MPP7: variants seen among roughly 807,000 people sequenced by gnomAD.
The protein encoded by MPP7 is MAGUK p55 subfamily member 7.
A neutral mutation model predicts 76.5 loss-of-function variants in MPP7; 60 were observed. The ratio of observed to expected loss-of-function variants is 0.78; its 90% confidence interval spans 0.64 to 0.97. The LOEUF (loss-of-function observed/expected upper bound fraction) is 0.97, where lower values mean the gene tolerates loss of function less well. MPP7 is among the 50% of genes least tolerant of loss of function. The pLI is 0.00. For synonymous variants in MPP7, 237 were observed against 244.5 expected (o/e 0.97, Z 0.29); for missense variants, 641 against 694.0 (o/e 0.92, Z 0.86).
At chr10:28,325,217 G>A (rs773919754) in intron 2 of MPP7, among the ~76,000 whole-genome samples, 20 of 152,126 alleles carry the variant, frequency 1.3e-4, no homozygotes, top group Non-Finnish European at 2.4e-4. Flanking sequence ...CCACTATACA[G>A]TATGTGGCTT....
chr10:28,228,855 T>C (rs1336519191), intron 2 of MPP7, among the ~76,000 whole-genome samples: 3 of 152,000 alleles, frequency 2.0e-5, no homozygotes, highest in Non-Finnish European at 4.4e-5. Flanking sequence ...AGCCCCAGCA[T>C]GTAAAGGAGA....
chr10:28,068,428 T>C (rs1852080434), intron 13 of MPP7, among the ~76,000 whole-genome samples: 1 of 152,040 alleles, frequency 6.6e-6, no homozygotes, highest in South Asian at 2.1e-4. Context: ...TTTAAAACAG[T>C]ACTAAAACTG....
At chr10:28,055,047 C>G (rs555737102) in intron 16 of MPP7, among the ~76,000 whole-genome samples, 15 of 152,256 alleles carry the variant, frequency 9.9e-5, no homozygotes, top group South Asian at 4.2e-4. Flanking sequence ...ATTTTTAAAG[C>G]CAGGAAGTAT....
intron 3 of MPP7, among the ~76,000 whole-genome samples, chr10:28,162,888 T>C (rs1836310658): frequency 6.6e-6 from 1 of 152,036 alleles, no homozygotes; most frequent in South Asian, 2.1e-4. Context: ...TCTCTCTCTC[T>C]CATATCTCTG....
intron 13 of MPP7, among the ~76,000 whole-genome samples, chr10:28,065,303 C>T (rs1332498829): frequency 6.6e-6 from 1 of 152,120 alleles, no homozygotes; most frequent in Non-Finnish European, 1.5e-5. Context: ...GGTAATTGAA[C>T]AAGACATTTA....
intron 1 of MPP7, among the ~76,000 whole-genome samples, chr10:28,264,062 C>T (rs1049640445): frequency 1.3e-5 from 2 of 152,000 alleles, no homozygotes; most frequent in African/African-American, 4.8e-5. Flanking sequence ...TTTGGGAGGC[C>T]GAGGCAGGAT....
chr10:28,158,540 C>T (rs142039345), intron 3 of MPP7, among the ~76,000 whole-genome samples: 68 of 152,242 alleles, frequency 4.5e-4, no homozygotes, highest in African/African-American at 1.6e-3. Flanking sequence ...AACTCTAGCT[C>T]CTATGCAGGC....
At chr10:28,102,532 T>C (rs1368999077) in intron 11 of MPP7, among the ~76,000 whole-genome samples, 1 of 152,160 alleles carries the variant, frequency 6.6e-6, no homozygotes, top group African/African-American at 2.4e-5. Context: ...AAATTGGCAT[T>C]TAAATCTTGG....
chr10:28,154,172 G>T (rs907485842), intron 3 of MPP7, among the ~76,000 whole-genome samples: 1 of 152,136 alleles, frequency 6.6e-6, no homozygotes, highest in African/African-American at 2.4e-5. Context: ...TCCATGGATG[G>T]TTACAAACTC....
At chr10:28,211,040 C>T (rs960109848) in intron 2 of MPP7, among the ~76,000 whole-genome samples, 2 of 151,976 alleles carry the variant, frequency 1.3e-5, no homozygotes, top group African/African-American at 4.8e-5. Context: ...AATAATATGC[C>T]GTGATCATCT....
chr10:28,181,544 ATC>A (rs1207385572), intron 3 of MPP7, among the ~76,000 whole-genome samples: 1 of 42,674 alleles, frequency 2.3e-5, no homozygotes. Flanking sequence ...AGCATCTATT[ATC>A]GTGCCCCACG....
At chr10:28,316,308 G>A (rs1434817403) in intron 2 of MPP7, among the ~76,000 whole-genome samples, 7 of 151,802 alleles carry the variant, frequency 4.6e-5, no homozygotes, top group Non-Finnish European at 8.8e-5. Flanking sequence ...ATGGTGGCAC[G>A]CCTGTAATCC....
At chr10:28,323,674 G>T (rs941141125) in intron 2 of MPP7, among the ~76,000 whole-genome samples, 5 of 147,910 alleles carry the variant, frequency 3.4e-5, no homozygotes, top group African/African-American at 1.3e-4. Context: ...ACAAGGCCCT[G>T]TTGCTACACA....
chr10:28,240,967 A>G (rs1028301330), intron 1 of MPP7, among the ~76,000 whole-genome samples: 4 of 152,122 alleles, frequency 2.6e-5, no homozygotes, highest in East Asian at 1.9e-4. Context: ...GTGTGTATAT[A>G]TATGTAATTT....
rs560058714 is a variant in MPP7, at chr10:28,070,872, A to T, written c.1124-1020T>A. 2.6e-5 allele frequency among the ~76,000 whole-genome samples: 4 copies of T among 152,314 alleles called. No individual in the cohort carries two copies. In the East Asian group the frequency reaches 7.7e-4, roughly 29 times the overall value. Reference sequence around the variant, plus strand: ...ATGAGTCTGAAATCAAAAGTTAGACAGGCATAAGTCCCCCCTTTCCAGCAT... The same window carrying T: ...ATGAGTCTGAAATCAAAAGTTAGACTGGCATAAGTCCCCCCTTTCCAGCAT... On this transcript the variant is annotated intron_variant, in intron 12 of 16. Transcript: ENST00000683449.
intron 11 of MPP7, among the ~76,000 whole-genome samples, chr10:28,096,651 T>C (rs187505967): frequency 1.5e-3 from 227 of 152,362 alleles, no homozygotes; most frequent in African/African-American, 5.2e-3. Flanking sequence ...CTTTCCTTTG[T>C]GATTCCTTCC....
At chr10:28,152,256 C>T (rs1835908020) in intron 3 of MPP7, among the ~76,000 whole-genome samples, 1 of 152,122 alleles carries the variant, frequency 6.6e-6, no homozygotes, top group Admixed American at 6.5e-5. Flanking sequence ...GATTTTGTGC[C>T]ATATCAAACA....
chr10:28,054,319 A>C, intron 16 of MPP7, 75 bp from the exon 17 acceptor site: 1 of 865,734 alleles, frequency 1.2e-6, no homozygotes, highest in South Asian at 1.7e-5. Flanking sequence ...CAAACATTCT[A>C]CAATTGGTTT....
intron 5 of MPP7, among the ~76,000 whole-genome samples, chr10:28,147,083 G>T (rs1400310893): frequency 1.3e-5 from 2 of 152,012 alleles, no homozygotes; most frequent in Non-Finnish European, 2.9e-5. Context: ...AGGTGAAAGG[G>T]GAAAGAAAGA....
Sources: gnomAD v4.1 joint callset for allele counts (sites outside exome capture counted in the v4.1 genomes callset) on GRCh38, gnomAD v4.1.1 for gene constraint, MANE v1.5 for transcripts, NCBI Gene and HGNC (gene_info 2026-07-23, HGNC 2026-07-21) for gene names.